The following CLVS1 variants were observed in gnomAD, a reference collection of about 807,000 sequenced individuals.
CLVS1 encodes the protein clavesin-1.
CLVS1 carries 10 observed loss-of-function variants against 33.1 expected under a neutral mutation model. That is an observed-to-expected ratio of 0.30 (90% CI 0.19 to 0.51). The LOEUF (loss-of-function observed/expected upper bound fraction) is 0.51. Among genes scored for constraint, CLVS1 ranks in the 20% least tolerant of loss-of-function variants. The probability of loss-of-function intolerance (pLI) is 0.97; values close to 1 mark genes in which losing one functional copy is unlikely to be tolerated. For synonymous variants in CLVS1, 163 were observed against 166.1 expected, an observed-to-expected ratio of 0.98 and a Z score of 0.14; for missense variants, 343 against 433.4, an observed-to-expected ratio of 0.79 and a Z score of 1.85.
At chr8:61,009,593 C>T in the CLVS1 span, among the ~76,000 whole-genome samples, 7 of 152,114 alleles carry the variant, frequency 4.6e-5, no homozygotes, top group African/African-American at 1.4e-4. Context: ...CCCCCTTGCC[C>T]GATTTTGGCA....
intron 5 of CLVS1, among the ~76,000 whole-genome samples, chr8:61,460,510 A>T (rs1817333364): frequency 6.6e-6 from 1 of 152,238 alleles, no homozygotes; most frequent in Non-Finnish European, 1.5e-5. Flanking sequence ...AGAAGGAGCC[A>T]AATCAGGACT....
At chr8:61,009,785 T>C in the CLVS1 span, among the ~76,000 whole-genome samples, 2 of 152,242 alleles carry the variant, frequency 1.3e-5, no homozygotes, top group South Asian at 4.1e-4. Flanking sequence ...GGGAGAAAGG[T>C]GTGTGTTTCA....
At chr8:61,123,893 C>A (rs968683103) in intron 1 of CLVS1, among the ~76,000 whole-genome samples, 1 of 152,098 alleles carries the variant, frequency 6.6e-6, no homozygotes, top group East Asian at 1.9e-4. Context: ...TGGAGCATGG[C>A]GAGGAGGATG....
intron 2 of CLVS1, among the ~76,000 whole-genome samples, chr8:61,215,526 T>TG (rs2129308307): frequency 1.2e-5 from 1 of 84,062 alleles, no homozygotes; most frequent in African/African-American, 9.8e-5. Flanking sequence ...TTAACGGATG[T>TG]CTTTTTTTTA....
At chr8:61,200,487 C>T (rs933355032) in intron 2 of CLVS1, among the ~76,000 whole-genome samples, 3 of 152,210 alleles carry the variant, frequency 2.0e-5, no homozygotes, top group Admixed American at 2.0e-4. Flanking sequence ...TGTATATGTA[C>T]TCTGTTTTCT....
intron 2 of CLVS1, among the ~76,000 whole-genome samples, chr8:61,211,149 G>A (rs1479944948): frequency 6.6e-6 from 1 of 152,194 alleles, no homozygotes; most frequent in Non-Finnish European, 1.5e-5. Flanking sequence ...CTTCTGAACA[G>A]TTTCAGTCAG....
chr8:61,207,784 G>A (rs562441428), intron 2 of CLVS1, among the ~76,000 whole-genome samples: 1 of 152,110 alleles, frequency 6.6e-6, no homozygotes, highest in African/African-American at 2.4e-5. Context: ...AGTACATCTC[G>A]GGGAAAGGTT....
At chr8:61,490,817 G>A (rs919778171) in intron 5 of CLVS1, among the ~76,000 whole-genome samples, 4 of 151,768 alleles carry the variant, frequency 2.6e-5, no homozygotes, top group African/African-American at 9.7e-5. Flanking sequence ...AATTAGCTGA[G>A]CGTGGTGGCG....
At chr8:61,323,990 T>C (rs944292433) in intron 2 of CLVS1, among the ~76,000 whole-genome samples, 6 of 152,224 alleles carry the variant, frequency 3.9e-5, no homozygotes, top group Non-Finnish European at 8.8e-5. Context: ...TTTTTGTGGC[T>C]GAATAGTATT....
At chr8:61,130,439 C>T (rs139687912) in intron 1 of CLVS1, among the ~76,000 whole-genome samples, 2 of 152,100 alleles carry the variant, frequency 1.3e-5, no homozygotes, top group East Asian at 3.9e-4. Flanking sequence ...AATAAAGAGA[C>T]AAAATGAATG....
At chr8:61,484,360 A>C (rs957976204) in intron 5 of CLVS1, among the ~76,000 whole-genome samples, 7 of 152,320 alleles carry the variant, frequency 4.6e-5, no homozygotes, top group Middle Eastern at 6.8e-3. Flanking sequence ...CAAAGAGAAT[A>C]AAATACCTAG....
chr8:61,060,700 A>T (rs1804567410), intron 1 of CLVS1, among the ~76,000 whole-genome samples: 1 of 152,178 alleles, frequency 6.6e-6, no homozygotes, highest in Non-Finnish European at 1.5e-5. Context: ...TTATCGGGGC[A>T]TGGACTCTAC....
chr8:61,195,866 G>A (rs931022957), intron 2 of CLVS1, among the ~76,000 whole-genome samples: 1 of 152,092 alleles, frequency 6.6e-6, no homozygotes, highest in African/African-American at 2.4e-5. Context: ...TAGGAAGTCA[G>A]TAATTTCAGA....
chr8:61,094,736 G>GA (rs913641024), intron 1 of CLVS1, among the ~76,000 whole-genome samples: 5 of 152,078 alleles, frequency 3.3e-5, no homozygotes, highest in Non-Finnish European at 5.9e-5. Context: ...GAGGGCACAG[G>GA]AAAAAAACAT....
intron 2 of CLVS1, among the ~76,000 whole-genome samples, chr8:61,360,849 G>A (rs765093029): frequency 1.3e-5 from 2 of 151,984 alleles, no homozygotes; most frequent in Non-Finnish European, 2.9e-5. Context: ...AAGAGATGTT[G>A]TATTAGTCCA....
At chr8:61,403,079 G>A (rs1341022777) in intron 3 of CLVS1, among the ~76,000 whole-genome samples, 3 of 152,202 alleles carry the variant, frequency 2.0e-5, no homozygotes, top group Non-Finnish European at 4.4e-5. Flanking sequence ...GGGTCATTGT[G>A]GTTGGCCTTA....
chr8:61,473,777 CT>C (rs1474095217), intron 5 of CLVS1, among the ~76,000 whole-genome samples: 1 of 152,166 alleles, frequency 6.6e-6, no homozygotes, highest in Admixed American at 6.5e-5. Flanking sequence ...GACCAGAGGT[CT>C]TTTGCATATG....
At chr8:61,133,150 C>A (rs1337620658) in intron 2 of CLVS1, among the ~76,000 whole-genome samples, 1 of 152,110 alleles carries the variant, frequency 6.6e-6, no homozygotes. Context: ...CACCAGGGGA[C>A]ATTACCCTCA....
chr8:61,312,368 G>A (rs1810859876), intron 2 of CLVS1, among the ~76,000 whole-genome samples: 3 of 152,228 alleles, frequency 2.0e-5, no homozygotes, highest in Admixed American at 6.5e-5. Context: ...GCCATTTATT[G>A]TGAGTGTTCT....
Sources: gnomAD v4.1 joint callset for allele counts (sites outside exome capture counted in the v4.1 genomes callset) on GRCh38, gnomAD v4.1.1 for gene constraint, MANE v1.5 for transcripts, NCBI Gene and HGNC (gene_info 2026-07-23, HGNC 2026-07-21) for gene names.